Variants in TTC28 observed in about 807,000 individuals in gnomAD.
TTC28 encodes the protein tetratricopeptide repeat domain 28, also known as tetratricopeptide repeat protein 28.
A neutral mutation model predicts 198.0 loss-of-function variants in TTC28; 61 were observed. That is an observed-to-expected ratio of 0.31 (90% CI 0.25 to 0.38). The LOEUF (loss-of-function observed/expected upper bound fraction) is 0.38. Among genes scored for constraint, TTC28 ranks in the 10% least tolerant of loss-of-function variants. TTC28 has a pLI of 1.00. For missense variants in TTC28, 2,678 were observed against 3,164.0 expected (o/e 0.85, Z 3.69); for synonymous variants, 1,171 against 1,297.8 (o/e 0.90, Z 2.10).
chr22:28,315,934 C>A (rs1363000814), intron 2 of TTC28, among the ~76,000 whole-genome samples: 1 of 152,056 alleles, frequency 6.6e-6, no homozygotes, highest in Non-Finnish European at 1.5e-5. Flanking sequence ...ATGAAGGGAT[C>A]CAGAAGAGGG....
intron 2 of TTC28, among the ~76,000 whole-genome samples, chr22:28,397,091 C>T (rs1015124635): frequency 6.6e-6 from 1 of 152,044 alleles, no homozygotes; most frequent in Admixed American, 6.6e-5. Context: ...ATTTATTGAA[C>T]ATCTTTTATA....
Position 28,105,352 on chromosome 22 carries a change from C to A in TTC28, c.3234G>T (p.Val1078=). 1.3e-6 allele frequency: 2 copies of A among 1,551,712 alleles called. No homozygotes were observed. The highest frequency in any genetic ancestry group is 1.7e-4 in the Middle Eastern group (1 of 5,992). The change falls in exon 8 of 23, where the codon GTG becomes GTT. Residue 1078 remains valine (V), a synonymous_variant. Coordinates refer to ENST00000397906, the MANE Select transcript of TTC28 (RefSeq NM_001145418.2). ...GGGTCCTTCCAAGGCTACTATATGA[C>A]ACCGTCTTGGCCGCCAAGTCATTCA... ...AQMNDLAAKT[V]SYSSLGRTHH...
rs988444108 is a variant in TTC28 at position 28,264,470 on chromosome 22, T to C, written c.933+31728A>G. Among the ~76,000 whole-genome samples the C allele has an allele frequency of 1.1e-4, 16 of 152,224 alleles. No individual in the cohort carries two copies. In the East Asian group the frequency reaches 3.1e-3, roughly 29 times the overall value. On this transcript the variant is annotated intron_variant, in intron 5 of 22. Transcript: ENST00000397906. ...GTGGGAAGCAACACAGAACATAAATTAAAATGTTTAAATGTGTTCAGGAGA... is the reference window on the plus strand; with the variant it reads ...GTGGGAAGCAACACAGAACATAAATCAAAATGTTTAAATGTGTTCAGGAGA...
intron 1 of TTC28, among the ~76,000 whole-genome samples, chr22:28,635,767 A>C (rs1191473357): frequency 6.6e-6 from 1 of 152,198 alleles, no homozygotes; most frequent in Non-Finnish European, 1.5e-5. Flanking sequence ...CAATCAAGCT[A>C]ATTAACATAT....
chr22:28,166,243 C>T (rs903064628), intron 5 of TTC28, among the ~76,000 whole-genome samples: 5 of 152,192 alleles, frequency 3.3e-5, no homozygotes, highest in Non-Finnish European at 5.9e-5. Context: ...TTAAACCCCA[C>T]TGTCAACATT....
At chr22:28,496,510 T>C (rs1601470128) in intron 2 of TTC28, among the ~76,000 whole-genome samples, 2 of 151,998 alleles carry the variant, frequency 1.3e-5, no homozygotes, top group Non-Finnish European at 2.9e-5. Flanking sequence ...CATCAGAAAA[T>C]CCTGTTGGTT....
intron 6 of TTC28, among the ~76,000 whole-genome samples, chr22:28,159,417 A>G: frequency 6.6e-6 from 1 of 152,208 alleles, no homozygotes; most frequent in Non-Finnish European, 1.5e-5. Flanking sequence ...GCACTCTGGG[A>G]GGCCGAGGCA....
intron 6 of TTC28, among the ~76,000 whole-genome samples, chr22:28,147,793 T>A (rs896500931): frequency 6.6e-6 from 1 of 152,220 alleles, no homozygotes; most frequent in Admixed American, 6.5e-5. Flanking sequence ...TAAGTGTCAT[T>A]CCTTTATCAT....
chr22:28,371,449 G>A (rs754994021), intron 2 of TTC28, among the ~76,000 whole-genome samples: 2 of 107,866 alleles, frequency 1.9e-5, no homozygotes, highest in African/African-American at 3.6e-5. Context: ...GGCAGAGGTC[G>A]CAATAAGCCC....
intron 5 of TTC28, among the ~76,000 whole-genome samples, chr22:28,233,531 A>C (rs1391001881): frequency 6.6e-6 from 1 of 152,204 alleles, no homozygotes; most frequent in Non-Finnish European, 1.5e-5. Context: ...AAATGATAAA[A>C]AATAACCCAG....
intron 1 of TTC28, among the ~76,000 whole-genome samples, chr22:28,641,147 G>A (rs1230892690): frequency 6.6e-6 from 1 of 151,952 alleles, no homozygotes; most frequent in African/African-American, 2.4e-5. Context: ...AACATGGTGA[G>A]ACCCCATTTC....
At chr22:28,288,055 CTAATT>C (rs1201272498) in intron 5 of TTC28, among the ~76,000 whole-genome samples, 1 of 152,042 alleles carries the variant, frequency 6.6e-6, no homozygotes. Context: ...ATTCATATGA[CTAATT>C]TAAATAATTA....
chr22:28,330,917 T>C (rs549882040), intron 2 of TTC28, among the ~76,000 whole-genome samples: 12 of 152,304 alleles, frequency 7.9e-5, no homozygotes, highest in Admixed American at 1.3e-4. Flanking sequence ...TATTCCAAAA[T>C]TGTATTTTTA....
At position 28,663,224 on chromosome 22, in the gene TTC28, G is replaced by A. The variant is rs2051778730; in HGVS notation, c.102+16398C>T. Among the ~76,000 whole-genome samples, 5 of 150,724 alleles carry A rather than the reference G, an allele frequency of 3.3e-5. No homozygotes were observed. In the South Asian group the frequency reaches 1.0e-3, roughly 32 times the overall value. On this transcript the variant is annotated intron_variant, in intron 1 of 22. Coordinates refer to ENST00000397906, the MANE Select transcript of TTC28 (RefSeq NM_001145418.2). ...GATAGTGCCGCTGCACTCCAGCCTG[G>A]GAGACAGAGCGAAACTCCGTCTCAA...
At chr22:27,985,630 A>G in intron 21 of TTC28, 1 of 323,624 alleles carries the variant, frequency 3.1e-6, no homozygotes, top group East Asian at 5.8e-5. Context: ...CACGGAAAGC[A>G]CTATGGACCA....
intron 12 of TTC28, among the ~76,000 whole-genome samples, chr22:28,086,393 C>A (rs935894411): frequency 1.3e-5 from 2 of 152,140 alleles, no homozygotes; most frequent in African/African-American, 4.8e-5. Context: ...GGAAACTGAA[C>A]AACCTGCTCC....
chr22:28,387,134 GT>G (rs1313512774), intron 2 of TTC28, among the ~76,000 whole-genome samples: 20 of 152,054 alleles, frequency 1.3e-4, no homozygotes, highest in African/African-American at 4.3e-4. Context: ...GAGAATGATG[GT>G]TTCCAGTTTC....
intron 12 of TTC28, among the ~76,000 whole-genome samples, chr22:28,084,422 A>G (rs1457056292): frequency 6.6e-6 from 1 of 152,222 alleles, no homozygotes; most frequent in African/African-American, 2.4e-5. Context: ...GACCTCCAGT[A>G]AACTCCAACA....
At chr22:28,617,713 T>A (rs147427416) in intron 2 of TTC28, among the ~76,000 whole-genome samples, 1 of 152,256 alleles carries the variant, frequency 6.6e-6, no homozygotes, top group Non-Finnish European at 1.5e-5. Context: ...TATACAATTG[T>A]GTTTGCATTC....
Sources: gnomAD v4.1 joint callset for allele counts (sites outside exome capture counted in the v4.1 genomes callset) on GRCh38, gnomAD v4.1.1 for gene constraint, MANE v1.5 for transcripts, NCBI Gene and HGNC (gene_info 2026-07-23, HGNC 2026-07-21) for gene names.